The following TMCC3 variants were observed in gnomAD, a reference collection of about 807,000 sequenced individuals.
TMCC3 encodes the protein transmembrane and coiled-coil domain family 3, also known as transmembrane and coiled-coil domain protein 3.
TMCC3 carries 28 observed loss-of-function variants against 40.2 expected under a neutral mutation model. The ratio of observed to expected loss-of-function variants is 0.70; its 90% CI spans 0.52 to 0.95. The LOEUF (loss-of-function observed/expected upper bound fraction) is 0.95. Among genes scored for constraint, TMCC3 ranks in the 40% least tolerant of loss-of-function variants. TMCC3 has a pLI of 0.00. For missense variants in TMCC3, 554 were observed against 615.2 expected (o/e 0.90, Z 1.05); for synonymous variants, 255 against 248.5 (o/e 1.03, Z -0.25).
At chr12:94,598,621 T>C in intron 1 of TMCC3, 1 of 985,406 alleles carries the variant, frequency 1.0e-6, no homozygotes, top group Non-Finnish European at 1.2e-6. Flanking sequence ...AAGGCCAGCT[T>C]ATACATAAAC....
At chr12:94,604,040 T>A (rs1290911) in intron 1 of TMCC3, among the ~76,000 whole-genome samples, 140,014 of 152,298 alleles carry the variant, frequency 0.92, 64,594 homozygotes, top group Middle Eastern at 0.96. Flanking sequence ...TTTAGAATAC[T>A]AAAGAGCCAA....
intron 3 of TMCC3, among the ~76,000 whole-genome samples, chr12:94,572,534 C>T (rs1266897071): frequency 6.6e-6 from 1 of 150,996 alleles, no homozygotes; most frequent in African/African-American, 2.4e-5. Flanking sequence ...TGGTCTCAAA[C>T]TCCTGACCTC....
intron 1 of TMCC3, among the ~76,000 whole-genome samples, chr12:94,642,577 C>T (rs752741502): frequency 7.2e-5 from 11 of 152,286 alleles, no homozygotes; most frequent in Non-Finnish European, 1.0e-4. Flanking sequence ...CTCAGGGGAC[C>T]GGCACTAAAT....
At chr12:94,648,309 C>A (rs1230285022) in intron 1 of TMCC3, among the ~76,000 whole-genome samples, 1 of 152,126 alleles carries the variant, frequency 6.6e-6, no homozygotes, top group Non-Finnish European at 1.5e-5. Flanking sequence ...TTCACTGCAA[C>A]CTCCGCCTCC....
chr12:94,606,973 G>A (rs949557644), intron 1 of TMCC3, among the ~76,000 whole-genome samples: 14 of 152,190 alleles, frequency 9.2e-5, no homozygotes, highest in African/African-American at 3.4e-4. Flanking sequence ...TAGTAAGCCT[G>A]AGGGTACTGC....
At chr12:94,592,825 G>A (rs28722566) in intron 1 of TMCC3, among the ~76,000 whole-genome samples, 8,540 of 151,942 alleles carry the variant, frequency 0.056, 522 homozygotes, top group African/African-American at 0.14. Flanking sequence ...AAGGAGATTA[G>A]GCAGTGTTTA....
intron 1 of TMCC3, among the ~76,000 whole-genome samples, chr12:94,603,756 C>T (rs1566325112): frequency 2.0e-5 from 3 of 152,208 alleles, no homozygotes; most frequent in African/African-American, 7.2e-5. Context: ...AAGATGTATA[C>T]ACTTTACTGT....
intron 1 of TMCC3, among the ~76,000 whole-genome samples, chr12:94,630,629 C>T (rs1339615631): frequency 6.6e-6 from 1 of 152,236 alleles, no homozygotes; most frequent in Non-Finnish European, 1.5e-5. Context: ...CACTCCTACC[C>T]ATTTATGCTA....
chr12:94,572,330 A>ATTTTTTTTTTTTT (rs1178986394), intron 3 of TMCC3, among the ~76,000 whole-genome samples: 4 of 82,910 alleles, frequency 4.8e-5, no homozygotes, highest in African/African-American at 2.4e-4. Flanking sequence ...TTTTTTTTTG[A>ATTTTTTTTTTTTT]GACAGAGTTT....
chr12:94,605,465 T>C (rs909598733), intron 1 of TMCC3, among the ~76,000 whole-genome samples: 1 of 152,216 alleles, frequency 6.6e-6, no homozygotes, highest in Non-Finnish European at 1.5e-5. Flanking sequence ...CAACATTAAG[T>C]AAGCGTCTAT....
intron 1 of TMCC3, among the ~76,000 whole-genome samples, chr12:94,636,048 G>A (rs568024898): frequency 6.6e-6 from 1 of 152,202 alleles, no homozygotes; most frequent in Non-Finnish European, 1.5e-5. Context: ...GAATAAGTGT[G>A]GCAGAATTAC....
intron 1 of TMCC3, 151 bp from the exon 2 acceptor site, chr12:94,582,689 A>T: frequency 1.5e-6 from 1 of 683,290 alleles, no homozygotes; most frequent in South Asian, 2.0e-5. Context: ...TGTCCCCTCC[A>T]GTTGAACATA....
rs192225813 is a variant in TMCC3 at position 94,600,675 on chromosome 12, C to T, written c.79-18137G>A. The stretch of plus-strand genomic sequence containing the variant: ...CCTCAACACTTACACCATTCCCTTC[C>T]GGACACAGCATCTCAAGGCCTCTGT... On this transcript the variant is annotated intron_variant, in intron 1 of 3. Transcript: ENST00000261226. 6.0e-4 allele frequency among the ~76,000 whole-genome samples: 91 copies of T among 152,268 alleles called. 1 individual carries two copies. In the South Asian group the frequency reaches 0.013, roughly 23 times the overall value.
chr12:94,633,242 T>C (rs1250635489), intron 1 of TMCC3, among the ~76,000 whole-genome samples: 1 of 152,256 alleles, frequency 6.6e-6, no homozygotes, highest in African/African-American at 2.4e-5. Context: ...ATTCATCCAG[T>C]GTGTGAAAAC....
At chr12:94,600,887 T>A (rs1003703254) in intron 1 of TMCC3, among the ~76,000 whole-genome samples, 1 of 152,168 alleles carries the variant, frequency 6.6e-6, no homozygotes, top group Non-Finnish European at 1.5e-5. Flanking sequence ...CATACAACAC[T>A]CAGCACAGAA....
chr12:94,625,902 T>C (rs554205372), intron 1 of TMCC3, among the ~76,000 whole-genome samples: 8 of 152,200 alleles, frequency 5.3e-5, no homozygotes, highest in Non-Finnish European at 8.8e-5. Context: ...AATGTTGAGG[T>C]AAAAATTTCC....
chr12:94,632,543 A>T (rs1187404076), intron 1 of TMCC3, among the ~76,000 whole-genome samples: 1 of 152,216 alleles, frequency 6.6e-6, no homozygotes, highest in Non-Finnish European at 1.5e-5. Context: ...AAAAATCACT[A>T]CTGTAAGTAC....
intron 1 of TMCC3, among the ~76,000 whole-genome samples, chr12:94,638,542 C>T (rs1188207492): frequency 1.3e-5 from 2 of 152,250 alleles, no homozygotes; most frequent in Non-Finnish European, 2.9e-5. Flanking sequence ...TTCCATCTTC[C>T]TTCCTGTCTC....
At chr12:94,581,496 T>C (rs1004185654) in intron 2 of TMCC3, 126 bp downstream of exon 2, 41 of 539,310 alleles carry the variant, frequency 7.6e-5, no homozygotes, top group Non-Finnish European at 1.0e-4. Flanking sequence ...ATGCCACACC[T>C]ATCACGTACC....
Sources: gnomAD v4.1 joint callset for allele counts (sites outside exome capture counted in the v4.1 genomes callset) on GRCh38, gnomAD v4.1.1 for gene constraint, MANE v1.5 for transcripts, NCBI Gene and HGNC (gene_info 2026-07-23, HGNC 2026-07-21) for gene names.